SLC9A9: variants seen among roughly 807,000 people sequenced by gnomAD.
The protein encoded by SLC9A9 is sodium/hydrogen exchanger 9.
In SLC9A9, 62 loss-of-function variants were observed where a neutral mutation model predicts 77.8. The ratio of observed to expected loss-of-function variants is 0.80; its 90% CI spans 0.65 to 0.98. The LOEUF (loss-of-function observed/expected upper bound fraction) is 0.98. Among genes scored for constraint, SLC9A9 ranks in the 50% least tolerant of loss-of-function variants. The probability of loss-of-function intolerance (pLI) is 0.00; values close to 1 mark genes in which losing one functional copy is unlikely to be tolerated. For missense variants in SLC9A9, 775 were observed against 774.9 expected (o/e 1.00, Z 0.00); for synonymous variants, 320 against 283.5 (o/e 1.13, Z -1.29).
intron 2 of SLC9A9, among the ~76,000 whole-genome samples, chr3:143,825,097 C>T (rs1289567891): frequency 1.3e-5 from 2 of 152,166 alleles, no homozygotes; most frequent in African/African-American, 2.4e-5. Flanking sequence ...CTCCACACCC[C>T]CAATGCTGAT....
rs1036914624 is a variant in SLC9A9, at chr3:143,832,160, A to G, written c.237T>C (p.Thr79=). ...AAGTTAGTTTTACACAGTCATAGACAGTTCCACTTTCAATATCAGTTGGTG... is the reference window on the plus strand; with the variant it reads ...AAGTTAGTTTTACACAGTCATAGACGGTTCCACTTTCAATATCAGTTGGTG... ...ATAPTDIESG[T]VYDCVKLTFS... Residue 79 remains threonine (T), a synonymous_variant, in exon 2 of 16, where the codon ACT becomes ACC. Coordinates refer to ENST00000316549, the MANE Select transcript of SLC9A9 (RefSeq NM_173653.4). The G allele has an allele frequency of 1.2e-6, 2 of 1,613,198 alleles. No individual in the cohort carries two copies. The highest frequency in any genetic ancestry group is 1.7e-6 in the Non-Finnish European group (2 of 1,179,582).
intron 8 of SLC9A9, among the ~76,000 whole-genome samples, chr3:143,555,555 T>A (rs768920607): frequency 6.6e-6 from 1 of 152,218 alleles, no homozygotes; most frequent in Non-Finnish European, 1.5e-5. Flanking sequence ...ACCTCTAAAG[T>A]GACAGAGCTG....
In SLC9A9 at chr3:143,574,848, T is replaced by C. The variant is rs143080405; in HGVS notation, c.895-655A>G. Among the ~76,000 whole-genome samples, 981 of 152,286 alleles carry C rather than the reference T, an allele frequency of 6.4e-3. 13 individuals are homozygous for C. The highest frequency in any genetic ancestry group is 0.022 in the African/African-American group (934 of 41,560). On this transcript the variant is annotated intron_variant, in intron 7 of 15. Transcript: ENST00000316549. ...AAATAGAACAAAGGGATAGTAGTGA[T>C]TCAAGTTGGGCAGAGAATGGATCAT...
chr3:143,580,209 C>G (rs2037429835), intron 6 of SLC9A9, among the ~76,000 whole-genome samples: 1 of 152,162 alleles, frequency 6.6e-6, no homozygotes, highest in Admixed American at 6.5e-5. Context: ...GGCTGTGATG[C>G]TTGATGTGTT....
chr3:143,759,675 G>T (rs2007050269), intron 4 of SLC9A9, among the ~76,000 whole-genome samples: 1 of 151,892 alleles, frequency 6.6e-6, no homozygotes, highest in South Asian at 2.1e-4. Flanking sequence ...GCTGCTCTGG[G>T]TTGGTTTCCA....
intron 9 of SLC9A9, among the ~76,000 whole-genome samples, chr3:143,548,884 C>G (rs1198665534): frequency 6.6e-6 from 1 of 152,234 alleles, no homozygotes; most frequent in Non-Finnish European, 1.5e-5. Flanking sequence ...GGTATAGACA[C>G]AGTTGAATAG....
intron 12 of SLC9A9, among the ~76,000 whole-genome samples, chr3:143,414,012 A>G (rs150700143): frequency 2.1e-3 from 325 of 152,378 alleles, no homozygotes; most frequent in African/African-American, 7.5e-3. Context: ...CTAGACACAT[A>G]GCAGGCACTT....
chr3:143,461,632 C>T (rs1186849899), intron 12 of SLC9A9, among the ~76,000 whole-genome samples: 1 of 152,126 alleles, frequency 6.6e-6, no homozygotes, highest in Non-Finnish European at 1.5e-5. Flanking sequence ...TGCTCAAAAT[C>T]CTACAGCTTT....
chr3:143,409,790 AT>A (rs1279573472), intron 12 of SLC9A9, among the ~76,000 whole-genome samples: 7 of 152,364 alleles, frequency 4.6e-5, no homozygotes, highest in African/African-American at 1.7e-4. Flanking sequence ...TAAAAGAGTT[AT>A]CTTAATATTA....
At chr3:143,837,035 T>C (rs1416351292) in intron 1 of SLC9A9, among the ~76,000 whole-genome samples, 4 of 152,216 alleles carry the variant, frequency 2.6e-5, no homozygotes, top group African/African-American at 9.6e-5. Context: ...AGCATTTTCT[T>C]AAAGTGGCTT....
intron 14 of SLC9A9, among the ~76,000 whole-genome samples, chr3:143,283,573 C>T (rs1938288375): frequency 6.6e-6 from 1 of 152,180 alleles, no homozygotes; most frequent in Non-Finnish European, 1.5e-5. Context: ...TCCTGCAAGC[C>T]CCAACCCTGT....
At chr3:143,417,783 C>T (rs73144774) in intron 12 of SLC9A9, among the ~76,000 whole-genome samples, 14,254 of 152,010 alleles carry the variant, frequency 0.094, 769 homozygotes, top group East Asian at 0.16. Context: ...CTATGGTATT[C>T]TGTTCTGGAA....
chr3:143,720,849 G>A (rs1934479143), intron 4 of SLC9A9, among the ~76,000 whole-genome samples: 1 of 144,314 alleles, frequency 6.9e-6, no homozygotes, highest in Non-Finnish European at 1.5e-5. Flanking sequence ...CTAGGGATGG[G>A]AATAACCAAT....
chr3:143,749,929 C>T (rs1037392509), intron 4 of SLC9A9, among the ~76,000 whole-genome samples: 3 of 152,234 alleles, frequency 2.0e-5, no homozygotes, highest in African/African-American at 7.2e-5. Context: ...TGATTAAACT[C>T]TACCAGTGAG....
chr3:143,446,406 G>A (rs1357330953), intron 12 of SLC9A9, among the ~76,000 whole-genome samples: 1 of 152,090 alleles, frequency 6.6e-6, no homozygotes, highest in African/African-American at 2.4e-5. Context: ...CTGGGGAAGG[G>A]GTTATGGGGG....
chr3:143,292,920 G>A (rs576492935), intron 14 of SLC9A9, among the ~76,000 whole-genome samples: 5 of 152,096 alleles, frequency 3.3e-5, no homozygotes, highest in African/African-American at 4.8e-5. Context: ...TAATGCTGCC[G>A]CTGCTGGGGG....
intron 4 of SLC9A9, among the ~76,000 whole-genome samples, chr3:143,783,064 C>G (rs1364136349): frequency 6.6e-6 from 1 of 152,142 alleles, no homozygotes. Flanking sequence ...TGCTTCCTGC[C>G]TTGGCTACCT....
intron 6 of SLC9A9, among the ~76,000 whole-genome samples, chr3:143,584,605 T>A (rs2037511228): frequency 6.6e-6 from 1 of 152,284 alleles, no homozygotes; most frequent in African/African-American, 2.4e-5. Context: ...AAATATGTAA[T>A]CCCTAACAAA....
At chr3:143,817,173 G>A (rs2009041030) in intron 2 of SLC9A9, among the ~76,000 whole-genome samples, 1 of 139,704 alleles carries the variant, frequency 7.2e-6, no homozygotes, top group Admixed American at 7.6e-5. Flanking sequence ...ACGGAGTCTC[G>A]CTCTGTCGCC....
Sources: gnomAD v4.1 joint callset for allele counts (sites outside exome capture counted in the v4.1 genomes callset) on GRCh38, gnomAD v4.1.1 for gene constraint, MANE v1.5 for transcripts, NCBI Gene and HGNC (gene_info 2026-07-23, HGNC 2026-07-21) for gene names.